STEAP3: variants seen among roughly 807,000 people sequenced by gnomAD.
STEAP3 encodes metalloreductase STEAP3.
A neutral mutation model predicts 34.9 loss-of-function variants in STEAP3; 35 were observed. The observed-to-expected ratio is 1.00, with a 90% CI of 0.76 to 1.33. The LOEUF (loss-of-function observed/expected upper bound fraction) is 1.33, where lower values mean the gene tolerates loss of function less well. Among genes scored for constraint, STEAP3 ranks in the 40% most tolerant of loss-of-function variants. STEAP3 has a pLI of 0.00. For synonymous variants in STEAP3, 281 were observed against 301.6 expected (o/e 0.93, Z 0.71); for missense variants, 652 against 667.6 (o/e 0.98, Z 0.26).
chr2:119,240,841 G>A (rs1677228144), intron 2 of STEAP3, among the ~76,000 whole-genome samples: 1 of 152,180 alleles, frequency 6.6e-6, no homozygotes, highest in Non-Finnish European at 1.5e-5. Flanking sequence ...CAGGGAGCCA[G>A]GGCCCAGACA....
chr2:119,238,597 G>A (rs1429581441), intron 2 of STEAP3, among the ~76,000 whole-genome samples: 4 of 152,102 alleles, frequency 2.6e-5, no homozygotes, highest in African/African-American at 4.8e-5. Context: ...GCACTTTCTC[G>A]ATGCTGTGCT....
intron 5 of STEAP3, among the ~76,000 whole-genome samples, chr2:119,255,549 G>A (rs1677750640): frequency 6.6e-6 from 1 of 152,010 alleles, no homozygotes; most frequent in African/African-American, 2.4e-5. Context: ...CAGACTTATT[G>A]GAGTGTTAGC....
At position 119,265,529 on chromosome 2, in the gene STEAP3, T is replaced by C. The variant is rs938333615; in HGVS notation, c.*2191T>C. ...GTGCCTCAACGACATGCTCTGGAAA[T>C]CCCAAATGCCACAGTCTGAGGTTGA... On this transcript the variant is annotated 3_prime_UTR_variant, in exon 6 of 6. Coordinates refer to ENST00000393110, the MANE Select transcript of STEAP3 (RefSeq NM_182915.3). The C allele has an allele frequency of 6.6e-6, 1 of 151,490 alleles. No individual in the cohort carries two copies. Among genetic ancestry groups the C allele is most frequent in the Non-Finnish European group, 1.5e-5 (1 of 67,988 alleles). 9.4% of individuals were successfully genotyped at this position (151,490 alleles called of 1,614,324 possible).
chr2:119,228,317 G>A (rs537077800), intron 1 of STEAP3, among the ~76,000 whole-genome samples: 16 of 152,296 alleles, frequency 1.1e-4, no homozygotes, highest in Non-Finnish European at 1.6e-4. Flanking sequence ...CTCCAGGTGA[G>A]GTCTGGCCTG....
rs189402810 is a variant in STEAP3, at chr2:119,236,751, G to A, written c.22+5717G>A. Among the ~76,000 whole-genome samples, 389 of 152,222 alleles carry A rather than the reference G, an allele frequency of 2.6e-3. 3 individuals are homozygous for A. The highest frequency in any genetic ancestry group is 8.5e-3 in the African/African-American group (353 of 41,524). ...TCAGCCATGTGGGTGAGCAGCAGAC[G>A]GTGCCTCCCCCACTCCCCCTGGAAC... On this transcript the variant is annotated intron_variant, in intron 2 of 5. Transcript: ENST00000393110.
chr2:119,263,155 G>C lies in STEAP3; in HGVS notation c.1314G>C (p.Leu438=), dbSNP rs779111239. ...AGGAGAGCCGCTACAAGTTCTACCT[G>C]CCTCCCACCTTCACGCTCACGCTGC... ...AFEESRYKFY[L]PPTFTLTLLV... is the part of the protein sequence containing the mutation. Residue 438 remains leucine, a synonymous_variant, in exon 6 of 6, where the codon CTG becomes CTC. Transcript: ENST00000393110. The C allele has an allele frequency of 3.4e-5, 55 of 1,613,932 alleles. No homozygotes were observed. The South Asian group carries it at 5.1e-4, about 15-fold the overall frequency.
At chr2:119,225,203 G>T (rs778575130) in intron 1 of STEAP3, among the ~76,000 whole-genome samples, 9 of 152,208 alleles carry the variant, frequency 5.9e-5, no homozygotes, top group Non-Finnish European at 8.8e-5. Flanking sequence ...GGAGGACCCA[G>T]ACTATGTCTT....
At chr2:119,256,197 G>A (rs1428881234) in intron 5 of STEAP3, among the ~76,000 whole-genome samples, 1 of 152,212 alleles carries the variant, frequency 6.6e-6, no homozygotes, top group Non-Finnish European at 1.5e-5. Context: ...CTCCTGACCA[G>A]GGATGCTTCA....
intron 4 of STEAP3, among the ~76,000 whole-genome samples, chr2:119,253,314 A>G (rs1042673968): frequency 4.6e-5 from 7 of 152,196 alleles, no homozygotes; most frequent in African/African-American, 1.7e-4. Flanking sequence ...GCCCTAAAAT[A>G]GAACAGAGCC....
In STEAP3 at chr2:119,245,565, G is replaced by T. The variant is rs746039592; in HGVS notation, c.99G>T (p.Lys33Asn). Residue 33 changes from lysine (K) to asparagine (N), a missense_variant, in exon 3 of 6, where the codon AAG becomes AAT. Coordinates refer to ENST00000393110, the MANE Select transcript of STEAP3 (RefSeq NM_182915.3). ...HLVDSDSSLAKVPDEAPKVGI... is the reference protein window; with the variant it reads ...HLVDSDSSLANVPDEAPKVGI... ...TGGACAGCGATAGTAGCCTTGCCAA[G>T]GTCCCCGATGAGGCCCCCAAAGTGG... is the stretch of plus-strand genomic sequence containing the variant. The T allele has an allele frequency of 1.9e-6, 3 of 1,604,142 alleles. No individual in the cohort carries two copies. Among genetic ancestry groups the T allele is most frequent in the African/African-American group, 2.7e-5 (2 of 74,738 alleles).
intron 5 of STEAP3, among the ~76,000 whole-genome samples, chr2:119,259,613 T>C (rs1255363472): frequency 1.3e-5 from 2 of 152,218 alleles, no homozygotes; most frequent in Non-Finnish European, 2.9e-5. Flanking sequence ...GTCTCCACAC[T>C]GTCCCTGTGC....
At chr2:119,261,894 A>C (rs1384454536) in intron 5 of STEAP3, among the ~76,000 whole-genome samples, 2 of 152,222 alleles carry the variant, frequency 1.3e-5, no homozygotes, top group African/African-American at 2.4e-5. Flanking sequence ...AAGGGGTGTG[A>C]AGCTCCATTG....
intron 3 of STEAP3, 73 bp downstream of exon 3, chr2:119,246,061 A>T: frequency 6.5e-7 from 1 of 1,527,870 alleles, no homozygotes; most frequent in Non-Finnish European, 8.8e-7. Context: ...TGCTGCCAGC[A>T]TGCTCTTTTT....
rs1356723234 is a variant in STEAP3 at position 119,230,600 on chromosome 2, C to CGT, written c.-393-12_-393-11dup. The CGT allele has an allele frequency of 4.6e-6, 1 of 217,742 alleles. No individual in the cohort carries two copies. The highest frequency in any genetic ancestry group is 9.4e-6 in the Non-Finnish European group (1 of 105,904). The allele number at this position is 217,742 out of a possible 1,614,324, so 13.5% of individuals were successfully genotyped here. A position where few individuals can be genotyped will look rare whatever the true frequency, so the allele number is the denominator to read the frequency against. On this transcript the variant is annotated intron_variant, in intron 1 of 5. Coordinates refer to ENST00000393110, the MANE Select transcript of STEAP3 (RefSeq NM_182915.3). ...TCTCTCCCTTTCTCTCTCTCGCTCA[C>CGT]GTGTGTGTGCGCGCGTTAGATGACA... is the stretch of plus-strand genomic sequence containing the variant.
chr2:119,237,699 G>T (rs1444585178), intron 2 of STEAP3, among the ~76,000 whole-genome samples: 1 of 152,194 alleles, frequency 6.6e-6, no homozygotes, highest in African/African-American at 2.4e-5. Flanking sequence ...GTAGCAGTCT[G>T]CCATACCTCA....
At chr2:119,260,206 C>T (rs1558759406) in intron 5 of STEAP3, among the ~76,000 whole-genome samples, 1 of 152,066 alleles carries the variant, frequency 6.6e-6, no homozygotes, top group African/African-American at 2.4e-5. Flanking sequence ...CTTGGCAACA[C>T]CAATAAGTCC....
intron 5 of STEAP3, among the ~76,000 whole-genome samples, chr2:119,257,162 A>C (rs1476587421): frequency 6.6e-6 from 1 of 152,200 alleles, no homozygotes; most frequent in Non-Finnish European, 1.5e-5. Context: ...AATGAAATAA[A>C]ATAGAATGAC....
At chr2:119,247,634 C>T (rs1371139067) in intron 3 of STEAP3, 45 bp from the exon 4 acceptor site, 2 of 1,497,546 alleles carry the variant, frequency 1.3e-6, no homozygotes, top group Non-Finnish European at 1.8e-6. Context: ...CTGCCCACTC[C>T]TGTGGCCTGT....
At chr2:119,231,086 C>A in intron 2 of STEAP3, 52 bp downstream of exon 2, 1 of 1,612,570 alleles carries the variant, frequency 6.2e-7, no homozygotes, top group Non-Finnish European at 8.5e-7. Context: ...TGTGCAAACC[C>A]CTCCCACCAG....
Sources: allele counts gnomAD v4.1 joint callset (sites outside exome capture counted in the v4.1 genomes callset), GRCh38; gene constraint gnomAD v4.1.1; transcripts MANE v1.5; gene names NCBI Gene and HGNC (gene_info 2026-07-23, HGNC 2026-07-21).